Variants in NLRP13 observed in about 807,000 individuals in gnomAD.
NLRP13 encodes the protein NLR family pyrin domain containing 13.
Under a neutral mutation model 94.4 loss-of-function variants are expected in NLRP13, and 82 were observed. The ratio of observed to expected loss-of-function variants is 0.87; its 90% CI spans 0.73 to 1.04. NLRP13 has a LOEUF of 1.04. Among genes scored for constraint, NLRP13 ranks in the 50% least tolerant of loss-of-function variants. The probability of loss-of-function intolerance (pLI) is 0.00; values close to 1 mark genes in which losing one functional copy is unlikely to be tolerated. For synonymous variants in NLRP13, 553 were observed against 464.7 expected, an observed-to-expected ratio of 1.19 and a Z score of -2.45; for missense variants, 1,426 against 1,230.8, an observed-to-expected ratio of 1.16 and a Z score of -2.37.
At chr19:55,907,647 T>TACACA (rs1405770709) in intron 7 of NLRP13, 145 bp downstream of exon 7, 26 of 751,264 alleles carry the variant, frequency 3.5e-5, no homozygotes, top group Non-Finnish European at 5.4e-5. Flanking sequence ...ACCACGGCTC[T>TACACA]ACACATAGGA....
chr19:55,913,356 G>A, intron 4 of NLRP13, 63 bp from the exon 5 acceptor site: 2 of 1,507,864 alleles, frequency 1.3e-6, no homozygotes, highest in East Asian at 2.3e-5. Flanking sequence ...GAATGATTCA[G>A]TTACAAAGTT....
chr19:55,929,105 G>C, intron 1 of NLRP13, among the ~76,000 whole-genome samples: 1 of 152,286 alleles, frequency 6.6e-6, no homozygotes, highest in East Asian at 1.9e-4. Flanking sequence ...TTAGGATGGC[G>C]ATCATTGAAA....
At position 55,896,006 on chromosome 19, in the gene NLRP13, C is replaced by A; in HGVS notation, c.3071G>T (p.Gly1024Val). 1 of 1,614,184 alleles carries A rather than the reference C, an allele frequency of 6.2e-7. No individual in the cohort carries two copies. Among genetic ancestry groups the A allele is most frequent in the African/African-American group, 1.3e-5 (1 of 75,060 alleles). Reference protein sequence around the residue: ...NLLGNELDTDGVKMLCKALKK... With the variant: ...NLLGNELDTDVVKMLCKALKK... ...CAAAGCCTTACATAGCATCTTGACA[C>A]CATCAGTATCCAATTCATTGCCTAG... The change falls in exon 11 of 11, where the codon GGT (glycine) becomes GTT (valine). Residue 1024 changes from glycine to valine, a missense_variant. By Grantham distance (109) the Gly-to-Val change is moderately radical. Coordinates refer to ENST00000342929, the MANE Select transcript of NLRP13 (RefSeq NM_176810.2).
At position 55,902,224 on chromosome 19, in the gene NLRP13, A is replaced by G. The variant is rs113092346; in HGVS notation, c.2619-19T>C. 100 of 1,611,096 alleles carry G rather than the reference A, an allele frequency of 6.2e-5. No homozygotes were observed. The highest frequency in any genetic ancestry group is 8.4e-5 in the Non-Finnish European group (99 of 1,178,738). ...CCAGAGCCTGCAGGGTGAAAGCCAC[A>G]GAGATGGACACTCAGGGAAGCAGCC... On this transcript the variant is annotated intron_variant, in intron 8 of 10. Coordinates refer to ENST00000342929, the MANE Select transcript of NLRP13 (RefSeq NM_176810.2).
In NLRP13 at chr19:55,918,294, T is replaced by TA. The variant is rs200399039; in HGVS notation, c.524-5002dup. On this transcript the variant is annotated intron_variant, in intron 4 of 10. Transcript: ENST00000342929. ...GTTTATAGCATTAAATGCTTACATTTAAAAAAAAATCACAAATTAACAACC... is the reference window on the plus strand; with the variant it reads ...GTTTATAGCATTAAATGCTTACATTTAAAAAAAAAATCACAAATTAACAACC... 8.1e-3 allele frequency among the ~76,000 whole-genome samples: 1,172 copies of TA among 145,102 alleles called. 11 individuals carry two copies. Among genetic ancestry groups the TA allele is most frequent in the African/African-American group, 0.022 (871 of 39,548 alleles).
chr19:55,908,421 G>T lies in NLRP13; in HGVS notation c.2283-465C>A, dbSNP rs527800987. Among the ~76,000 whole-genome samples, 6 of 152,292 alleles carry T rather than the reference G, an allele frequency of 3.9e-5. No homozygotes were observed. In the East Asian group the frequency reaches 1.2e-3, roughly 29 times the overall value. Reference sequence around the variant, plus strand: ...GAAGACTGCCCAATCCCATTACTGGGTATATGCCCAAAGGAACGTAAATCG... The same window carrying T: ...GAAGACTGCCCAATCCCATTACTGGTTATATGCCCAAAGGAACGTAAATCG... On this transcript the variant is annotated intron_variant, in intron 6 of 10. Coordinates refer to ENST00000342929, the MANE Select transcript of NLRP13 (RefSeq NM_176810.2).
chr19:55,909,873 T>TC (rs1359151060), intron 6 of NLRP13, among the ~76,000 whole-genome samples: 3 of 151,848 alleles, frequency 2.0e-5, no homozygotes, highest in African/African-American at 7.3e-5. Flanking sequence ...GCACAGTCCC[T>TC]CCTCCTTCCC....
Position 55,912,197 on chromosome 19 carries a change from C to T in NLRP13, c.1620G>A (p.Gln540=), listed in dbSNP as rs745943931. 2 of 1,614,046 alleles carry T rather than the reference C, an allele frequency of 1.2e-6. No individual in the cohort carries two copies. Among genetic ancestry groups the T allele is most frequent in the African/African-American group, 2.7e-5 (2 of 74,910 alleles). ...CAAAGGACATGGCTGCAAAAAACTC[C>T]TGGAAACTTAGGTGGGTGAAAGTAG... ...GCTTFTHLSF[Q]EFFAAMSFVL... The change falls in exon 5 of 11, where the codon CAG becomes CAA. Residue 540 remains glutamine, a synonymous_variant. Transcript: ENST00000342929.
chr19:55,912,278 A>T lies in NLRP13; in HGVS notation c.1539T>A (p.Ile513=). The change falls in exon 5 of 11, where the codon ATT becomes ATA. Residue 513 remains isoleucine, a synonymous_variant. Coordinates refer to ENST00000342929, the MANE Select transcript of NLRP13 (RefSeq NM_176810.2). The part of the protein sequence containing the change: ...TEIEGLEVPF[I]DSLYEFNILQ... The stretch of plus-strand genomic sequence containing the variant: ...GAATATTGAACTCGTAGAGAGAATC[A>T]ATGAAAGGCACTTCCAGGCCCTCGA... 6.2e-7 allele frequency: 1 copy of T among 1,614,126 alleles called. No homozygotes were observed. The highest frequency in any genetic ancestry group is 8.5e-7 in the Non-Finnish European group (1 of 1,180,008).
chr19:55,912,063 A>G lies in NLRP13; in HGVS notation c.1754T>C (p.Val585Ala), dbSNP rs1270851363. 1.1e-5 allele frequency: 17 copies of G among 1,614,068 alleles called. No individual in the cohort carries two copies. Among genetic ancestry groups the G allele is most frequent in the Non-Finnish European group, 1.4e-5 (17 of 1,180,038 alleles). ...ATTTAAAAGACCAAAGAAGAACAGAACCACTGGAGTCCAGTAGGCTTCTTT... is the reference window on the plus strand; with the variant it reads ...ATTTAAAAGACCAAAGAAGAACAGAGCCACTGGAGTCCAGTAGGCTTCTTT... Reference protein sequence around the residue: ...LDKEAYWTPVVLFFFGLLNKN... With the variant: ...LDKEAYWTPVALFFFGLLNKN... The change falls in exon 5 of 11, where the codon GTT becomes GCT. Residue 585 changes from valine (V) to alanine (A), a missense_variant. Physicochemically the swap from Val to Ala is moderately conservative, Grantham distance 64. Coordinates refer to ENST00000342929, the MANE Select transcript of NLRP13 (RefSeq NM_176810.2).
At chr19:55,908,075 A>G (rs1986405116) in intron 6 of NLRP13, 119 bp from the exon 7 acceptor site, 1 of 852,498 alleles carries the variant, frequency 1.2e-6, no homozygotes, top group South Asian at 2.0e-5. Flanking sequence ...CACGGTACAC[A>G]AGGAATTAAA....
chr19:55,905,075 C>T lies in NLRP13; in HGVS notation c.2485G>A (p.Asp829Asn). ...KCNLSAASCQ[D>N]LALFLTSIQH... ...ATGCTGGTGAGAAACAAGGCTAGGT[C>T]CTGACAGCTGGCTGCCGACAAGTTG... The change falls in exon 8 of 11, where the codon GAC becomes AAC. Residue 829 changes from aspartate to asparagine, a missense_variant. Asp to Asn is a conservative substitution (Grantham distance 23). Coordinates refer to ENST00000342929, the MANE Select transcript of NLRP13 (RefSeq NM_176810.2). 1 of 1,613,644 alleles carries T rather than the reference C, an allele frequency of 6.2e-7. No individual in the cohort carries two copies. Among genetic ancestry groups the T allele is most frequent in the East Asian group, 2.2e-5 (1 of 44,858 alleles).
In NLRP13 at chr19:55,912,439, A is replaced by C. The variant is rs766979882; in HGVS notation, c.1378T>G (p.Phe460Val). Residue 460 changes from phenylalanine to valine, a missense_variant, in exon 5 of 11, where the codon TTC (phenylalanine) becomes GTC (valine). Coordinates refer to ENST00000342929, the MANE Select transcript of NLRP13 (RefSeq NM_176810.2). ...TCTGCTGTGGAGAACAAGTTGGAGA[A>C]AAAATAGGCATACAGACTGGTGGTA... is the stretch of plus-strand genomic sequence containing the variant. The part of the protein sequence containing the change: ...QTTTSLYAYF[F>V]SNLFSTAEVD... The C allele has an allele frequency of 6.2e-7, 1 of 1,614,192 alleles. No homozygotes were observed. Among genetic ancestry groups the C allele is most frequent in the South Asian group, 1.1e-5 (1 of 91,088 alleles).
chr19:55,892,735 T>G (rs1296414733), downstream of NLRP13, among the ~76,000 whole-genome samples: 1 of 152,180 alleles, frequency 6.6e-6, no homozygotes, highest in Non-Finnish European at 1.5e-5. Flanking sequence ...GTCACCATCT[T>G]TAAATCCACA....
At chr19:55,928,747 A>G (rs925618018) in intron 1 of NLRP13, among the ~76,000 whole-genome samples, 1 of 152,190 alleles carries the variant, frequency 6.6e-6, no homozygotes, top group African/African-American at 2.4e-5. Context: ...TTCATGACTA[A>G]AACACCAAAA....
intron 7 of NLRP13, among the ~76,000 whole-genome samples, chr19:55,906,745 T>C (rs1986363770): frequency 1.3e-5 from 1 of 76,708 alleles, no homozygotes; most frequent in Non-Finnish European, 2.5e-5. Context: ...GAGTGATCTG[T>C]GTTTACAGAC....
At chr19:55,924,944 T>C (rs775434507) in intron 2 of NLRP13, 23 bp downstream of exon 2, 1 of 1,602,844 alleles carries the variant, frequency 6.2e-7, no homozygotes, top group Non-Finnish European at 8.5e-7. Context: ...CTGTCCATTA[T>C]CAACTTAAAG....
rs201153872 is a variant in NLRP13, at chr19:55,912,542, G to T, written c.1275C>A (p.Pro425=). The change falls in exon 5 of 11, where the codon CCC becomes CCA. Residue 425 remains proline (P), a synonymous_variant. Coordinates refer to ENST00000342929, the MANE Select transcript of NLRP13 (RefSeq NM_176810.2). ...NETLFHSCSA[P]MVCWTVCSCL... ...AGGAACATACGGTCCAACACACCAT[G>T]GGGGCACTGCAGGAATGAAAGAGAG... The T allele has an allele frequency of 6.2e-7, 1 of 1,614,028 alleles. No homozygotes were observed. Among genetic ancestry groups the T allele is most frequent in the Admixed American group, 1.7e-5 (1 of 60,016 alleles).
In NLRP13 at chr19:55,911,679, GAGAA is replaced by G. The variant is rs756253078; in HGVS notation, c.2111+23_2111+26del. On this transcript the variant is annotated intron_variant, in intron 5 of 10. Transcript: ENST00000342929. ...GAGCCTGAGAAAACAGGAGAAAGCTGAGAAAGAAATGGTTTGTAATACTCACTCC... is the reference window on the plus strand; with the variant it reads ...GAGCCTGAGAAAACAGGAGAAAGCTGAGAAATGGTTTGTAATACTCACTCC... 1.7e-5 allele frequency: 26 copies of G among 1,542,338 alleles called. No individual in the cohort carries two copies. In the Middle Eastern group the frequency reaches 7.0e-4, roughly 41 times the overall value.
Sources: allele counts gnomAD v4.1 joint callset (sites outside exome capture counted in the v4.1 genomes callset), GRCh38; gene constraint gnomAD v4.1.1; transcripts MANE v1.5; gene names NCBI Gene and HGNC (gene_info 2026-07-23, HGNC 2026-07-21).